FOCAD: variants seen among roughly 807,000 people sequenced by gnomAD.
FOCAD encodes the protein focadhesin.
FOCAD carries 198 observed loss-of-function variants against 225.6 expected under a neutral mutation model. That is an observed-to-expected ratio of 0.88 (90% CI 0.78 to 0.99). FOCAD has a LOEUF of 0.99. Ranked by LOEUF, FOCAD falls within the 50% of genes least tolerant of loss-of-function variation. The pLI is 0.00. For missense variants in FOCAD, 2,713 were observed against 2,123.6 expected (o/e 1.28, Z -5.46); for synonymous variants, 897 against 755.0 (o/e 1.19, Z -3.08).
intron 36 of FOCAD, among the ~76,000 whole-genome samples, chr9:20,977,773 A>C (rs908728286): frequency 6.6e-6 from 1 of 152,238 alleles, no homozygotes; most frequent in African/African-American, 2.4e-5. Flanking sequence ...TAATGTCACC[A>C]TACTGGGTTT....
In FOCAD at chr9:20,781,765, C is replaced by T; in HGVS notation, c.1033C>T (p.Pro345Ser). The change falls in exon 10 of 44, where the codon CCA (proline) becomes TCA (serine). Residue 345 changes from proline (P) to serine (S), a missense_variant. Coordinates refer to ENST00000338382, the MANE Select transcript of FOCAD (RefSeq NM_001375567.1). ...CTCTGTTACTGAGGATCAGAAAATC[C>T]CAAAGTCCTCTCTGCTGCTAGTGAT... ...LLSVTEDQKI[P>S]KSSLLLVMPI... 3 of 1,613,916 alleles carry T rather than the reference C, an allele frequency of 1.9e-6. 1 individual carries two copies. The highest frequency in any genetic ancestry group is 2.5e-6 in the Non-Finnish European group (3 of 1,179,984).
intron 35 of FOCAD, among the ~76,000 whole-genome samples, chr9:20,968,374 TTTTG>T (rs966132534): frequency 6.6e-6 from 1 of 151,652 alleles, no homozygotes. Context: ...AGTTTGCCAA[TTTTG>T]TTTATCTTTT....
At chr9:20,779,389 A>G (rs1819125189) in intron 9 of FOCAD, among the ~76,000 whole-genome samples, 1 of 152,236 alleles carries the variant, frequency 6.6e-6, no homozygotes, top group South Asian at 2.1e-4. Flanking sequence ...CATAACAATG[A>G]GAGCTCTAAA....
intron 6 of FOCAD, among the ~76,000 whole-genome samples, chr9:20,764,264 CT>C (rs1284748922): frequency 6.6e-6 from 1 of 151,762 alleles, no homozygotes; most frequent in South Asian, 2.1e-4. Flanking sequence ...TCAGGTGATC[CT>C]TTTTTTTAAG....
chr9:20,804,340 A>G (rs746078347), intron 11 of FOCAD, among the ~76,000 whole-genome samples: 2 of 152,038 alleles, frequency 1.3e-5, no homozygotes, highest in African/African-American at 2.4e-5. Flanking sequence ...CTAGCTTGAT[A>G]GAGAATTTTT....
intron 15 of FOCAD, among the ~76,000 whole-genome samples, chr9:20,826,575 A>G (rs1824913974): frequency 6.6e-6 from 1 of 152,118 alleles, no homozygotes; most frequent in Admixed American, 6.6e-5. Flanking sequence ...AGACTCGTTA[A>G]TAAACTTCCC....
intron 11 of FOCAD, among the ~76,000 whole-genome samples, chr9:20,812,209 T>TGATC (rs935143517): frequency 2.0e-5 from 3 of 152,092 alleles, no homozygotes; most frequent in African/African-American, 7.2e-5. Context: ...TTTCATTGGC[T>TGATC]GATCATATCT....
rs149896283 is a variant in FOCAD at position 20,818,582 on chromosome 9, G to T, written c.1456-1214G>T. The stretch of plus-strand genomic sequence containing the variant: ...GTCCAACTTGATTCTTTTGCATGTG[G>T]ATATACAGTTGTTGAATTCCAGCAC... On this transcript the variant is annotated intron_variant, in intron 11 of 43. Coordinates refer to ENST00000338382, the MANE Select transcript of FOCAD (RefSeq NM_001375567.1). 4.3e-3 allele frequency among the ~76,000 whole-genome samples: 651 copies of T among 152,018 alleles called. 8 individuals carry two copies. Among genetic ancestry groups the T allele is most frequent in the Middle Eastern group, 6.8e-3 (2 of 294 alleles).
chr9:20,994,996 AAAGG>A (rs1841952563), intron 43 of FOCAD, among the ~76,000 whole-genome samples: 1 of 152,076 alleles, frequency 6.6e-6, no homozygotes, highest in Admixed American at 6.5e-5. Context: ...AAAATTACTT[AAAGG>A]AAGTACACAG....
At chr9:20,946,161 T>C (rs568394423) in intron 29 of FOCAD, among the ~76,000 whole-genome samples, 4 of 152,202 alleles carry the variant, frequency 2.6e-5, no homozygotes, top group Non-Finnish European at 5.9e-5. Context: ...ATGAGGCAGG[T>C]ATTAGTATTC....
intron 22 of FOCAD, among the ~76,000 whole-genome samples, chr9:20,910,208 A>G (rs1208761181): frequency 6.6e-6 from 1 of 152,104 alleles, no homozygotes; most frequent in Admixed American, 6.6e-5. Flanking sequence ...GCCAACTGAC[A>G]GTACAGAGGC....
intron 39 of FOCAD, among the ~76,000 whole-genome samples, chr9:20,985,587 GAA>G (rs1841081787): frequency 6.6e-6 from 1 of 152,110 alleles, no homozygotes; most frequent in Admixed American, 6.5e-5. Context: ...AGTGTTCTGT[GAA>G]AAGAGTGGCT....
intron 15 of FOCAD, among the ~76,000 whole-genome samples, chr9:20,842,239 T>C (rs1430926679): frequency 1.3e-5 from 2 of 152,020 alleles, no homozygotes; most frequent in Non-Finnish European, 2.9e-5. Flanking sequence ...TTGGATGAAA[T>C]GCAGTGTAAG....
chr9:20,697,633 C>T (rs983766059), intron 1 of FOCAD, among the ~76,000 whole-genome samples: 5 of 152,204 alleles, frequency 3.3e-5, no homozygotes, highest in East Asian at 3.8e-4. Flanking sequence ...TTTTATTCTT[C>T]GGCAGATGCC....
chr9:20,784,401 A>G (rs1478380419), intron 10 of FOCAD, among the ~76,000 whole-genome samples: 1 of 152,222 alleles, frequency 6.6e-6, no homozygotes, highest in African/African-American at 2.4e-5. Flanking sequence ...AGGATCACAT[A>G]GTCAGGCAAA....
rs1215336029 is a variant in FOCAD, at chr9:20,735,212, A to AT, written c.288-5020dup. ...TTTTGTGGGCATGTATGCTGTAAAC[A>AT]TTTTATCTTAGACTCTCTCTTAACT... On this transcript the variant is annotated intron_variant, in intron 4 of 43. Coordinates refer to ENST00000338382, the MANE Select transcript of FOCAD (RefSeq NM_001375567.1). Among the ~76,000 whole-genome samples, 6 of 152,146 alleles carry AT rather than the reference A, an allele frequency of 3.9e-5. No homozygotes were observed. In the East Asian group the frequency reaches 1.2e-3, roughly 29 times the overall value.
chr9:20,850,140 A>G (rs1827508493), intron 15 of FOCAD, among the ~76,000 whole-genome samples: 1 of 151,812 alleles, frequency 6.6e-6, no homozygotes, highest in Non-Finnish European at 1.5e-5. Flanking sequence ...TCTTATGGTC[A>G]TAAGAAATAA....
intron 2 of FOCAD, among the ~76,000 whole-genome samples, chr9:20,675,138 C>G (rs1375213524): frequency 2.6e-5 from 4 of 152,178 alleles, no homozygotes; most frequent in Non-Finnish European, 4.4e-5. Context: ...AGCCCTGAAC[C>G]ACATGGCCAT....
chr9:20,870,324 A>G (rs1282517692), intron 18 of FOCAD, among the ~76,000 whole-genome samples: 1 of 152,212 alleles, frequency 6.6e-6, no homozygotes, highest in African/African-American at 2.4e-5. Flanking sequence ...TTATGCAGAT[A>G]CTTGACATGT....
Sources: allele counts gnomAD v4.1 joint callset (sites outside exome capture counted in the v4.1 genomes callset), GRCh38; gene constraint gnomAD v4.1.1; transcripts MANE v1.5; gene names NCBI Gene and HGNC (gene_info 2026-07-23, HGNC 2026-07-21).